CACNG4: variants seen among roughly 807,000 people sequenced by gnomAD.
CACNG4 encodes voltage-dependent calcium channel gamma-4 subunit.
In CACNG4, 8 loss-of-function variants were observed where a neutral mutation model predicts 22.9. The observed-to-expected ratio is 0.35, with a 90% CI of 0.21 to 0.63. The LOEUF (loss-of-function observed/expected upper bound fraction) is 0.63, where lower values mean the gene tolerates loss of function less well. Ranked by LOEUF, CACNG4 falls within the 30% of genes least tolerant of loss-of-function variation. The pLI is 0.72. For synonymous variants in CACNG4, 188 were observed against 191.9 expected (o/e 0.98, Z 0.17); for missense variants, 357 against 455.4 (o/e 0.78, Z 1.97).
intron 1 of CACNG4, among the ~76,000 whole-genome samples, chr17:66,982,005 T>G (rs552164826): frequency 6.6e-6 from 1 of 152,302 alleles, no homozygotes; most frequent in South Asian, 2.1e-4. Context: ...GGGATCATAG[T>G]GTGTCCAGAG....
chr17:67,025,039 G>A (rs1393419601), intron 3 of CACNG4, 39 bp downstream of exon 3: 3 of 1,535,894 alleles, frequency 2.0e-6, no homozygotes, highest in Non-Finnish European at 2.6e-6. Flanking sequence ...GCCGGGAGCT[G>A]GGGACACAGG....
rs1353361738 is a variant in CACNG4 at position 66,979,485 on chromosome 17, G to A, written c.220+14354G>A. ...GGAACCTTTGAAGATCATCTGGTAC[G>A]AAACAGATGTGACTGTACCAGTGGC... On this transcript the variant is annotated intron_variant, in intron 1 of 3. Coordinates refer to ENST00000262138, the MANE Select transcript of CACNG4 (RefSeq NM_014405.4). 2.0e-5 allele frequency among the ~76,000 whole-genome samples: 3 copies of A among 152,326 alleles called. 1 individual carries two copies. The highest frequency in any genetic ancestry group is 1.9e-4 in the East Asian group (1 of 5,188).
rs537420640 is a variant in CACNG4 at position 67,014,919 on chromosome 17, A to G, written c.221-3270A>G. On this transcript the variant is annotated intron_variant, in intron 1 of 3. Coordinates refer to ENST00000262138, the MANE Select transcript of CACNG4 (RefSeq NM_014405.4). ...ACCACTGCACTCCAGCCTGGGCGACAGAGCGAGACTCCATCTCCAAAAACA... is the reference window on the plus strand; with the variant it reads ...ACCACTGCACTCCAGCCTGGGCGACGGAGCGAGACTCCATCTCCAAAAACA... Among the ~76,000 whole-genome samples, 198 of 150,758 alleles carry G rather than the reference A, an allele frequency of 1.3e-3. 1 individual carries two copies. Among genetic ancestry groups the G allele is most frequent in the Non-Finnish European group, 1.8e-3 (125 of 67,816 alleles).
chr17:67,005,671 G>A (rs1301523094), intron 1 of CACNG4, among the ~76,000 whole-genome samples: 4 of 152,174 alleles, frequency 2.6e-5, no homozygotes, highest in Admixed American at 6.5e-5. Flanking sequence ...GTCCAGTGCC[G>A]TCTCCCTTCT....
Position 67,027,257 on chromosome 17 carries a change from A to G in CACNG4, c.445+2257A>G, listed in dbSNP as rs951595661. Among the ~76,000 whole-genome samples, 2 of 152,296 alleles carry G rather than the reference A, an allele frequency of 1.3e-5. No individual in the cohort carries two copies. Among genetic ancestry groups the G allele is most frequent in the Admixed American group, 6.5e-5 (1 of 15,296 alleles). On this transcript the variant is annotated intron_variant, in intron 3 of 3. Transcript: ENST00000262138. This position sits in a 1 kb window ranked among gnomAD's most constrained non-coding sequence, Gnocchi z 4.3. Reference sequence around the variant, plus strand: ...TGCAGCTGCCCGTGCCCCCAGGAGGAGCCGTTTCAAAGGCAGGCCCAGATG... The same window carrying G: ...TGCAGCTGCCCGTGCCCCCAGGAGGGGCCGTTTCAAAGGCAGGCCCAGATG...
chr17:66,983,373 G>T (rs918726466), intron 1 of CACNG4, among the ~76,000 whole-genome samples: 1 of 152,160 alleles, frequency 6.6e-6, no homozygotes, highest in African/African-American at 2.4e-5. Context: ...AGTGTGCTGC[G>T]AATATCCAAA....
chr17:66,997,706 A>G (rs1318216143), intron 1 of CACNG4, among the ~76,000 whole-genome samples: 1 of 152,210 alleles, frequency 6.6e-6, no homozygotes, highest in Non-Finnish European at 1.5e-5. Context: ...AATCCCAGCT[A>G]TGCAGGAAGC....
chr17:66,986,041 C>G (rs544840815), intron 1 of CACNG4, among the ~76,000 whole-genome samples: 2 of 152,336 alleles, frequency 1.3e-5, no homozygotes, highest in South Asian at 4.1e-4. Flanking sequence ...TCCATAGTTA[C>G]CCAGTGCCTA....
At chr17:66,981,095 A>G (rs1168247194) in intron 1 of CACNG4, among the ~76,000 whole-genome samples, 1 of 152,072 alleles carries the variant, frequency 6.6e-6, no homozygotes, top group East Asian at 1.9e-4. Context: ...GAGTCAGTTG[A>G]CCCTTCAAAT....
rs748292691 is a variant in CACNG4, at chr17:66,964,962, C to T, written c.51C>T (p.Ala17=). The part of the protein sequence containing the change: ...GLQMLLTTAG[A]FAAFSLMAIA... ...AGATGCTGCTGACCACGGCCGGAGCCTTCGCCGCCTTCTCGCTCATGGCCA... is the reference window on the plus strand; with the variant it reads ...AGATGCTGCTGACCACGGCCGGAGCTTTCGCCGCCTTCTCGCTCATGGCCA... Residue 17 remains alanine (A), a synonymous_variant, in exon 1 of 4, where the codon GCC becomes GCT. Transcript: ENST00000262138. 1 of 1,609,104 alleles carries T rather than the reference C, an allele frequency of 6.2e-7. No homozygotes were observed. Among genetic ancestry groups the T allele is most frequent in the South Asian group, 1.1e-5 (1 of 90,820 alleles).
intron 1 of CACNG4, among the ~76,000 whole-genome samples, chr17:66,967,538 C>G (rs937498973): frequency 2.0e-5 from 3 of 152,230 alleles, no homozygotes; most frequent in Non-Finnish European, 4.4e-5. Flanking sequence ...GAGGCCTGGA[C>G]AGCACCTTAA....
chr17:66,985,943 GA>G (rs144835669), intron 1 of CACNG4, among the ~76,000 whole-genome samples: 5,105 of 147,810 alleles, frequency 0.035, 229 homozygotes, highest in East Asian at 0.22. Context: ...TTTAAAAAAG[GA>G]AAAAAAAAAG....
intron 1 of CACNG4, among the ~76,000 whole-genome samples, chr17:66,982,403 T>G (rs34724455): frequency 2.0e-5 from 3 of 151,760 alleles, no homozygotes; most frequent in Admixed American, 1.3e-4. Flanking sequence ...TGGTGTGTTT[T>G]TACAGAGTAC....
chr17:66,996,972 G>T (rs1236733480), intron 1 of CACNG4, among the ~76,000 whole-genome samples: 1 of 152,130 alleles, frequency 6.6e-6, no homozygotes, highest in East Asian at 1.9e-4. Context: ...CTAGAAGATG[G>T]TTCGAAACAG....
In CACNG4 at chr17:66,964,864, G is replaced by GGGCGCGGCGGGCC. The variant is rs1168916459; in HGVS notation, c.-45_-33dup. ...GGCGCGCGGAGGGAGGAGGGCGGGC[G>GGGCGCGGCGGGCC]GGCGCGGCGGGCCGGGCCGGCGGGC... On this transcript the variant is annotated 5_prime_UTR_variant, in exon 1 of 4. Transcript: ENST00000262138. 7 of 1,186,256 alleles carry GGGCGCGGCGGGCC rather than the reference G, an allele frequency of 5.9e-6. No individual in the cohort carries two copies. Among genetic ancestry groups the GGGCGCGGCGGGCC allele is most frequent in the Middle Eastern group, 3.4e-4 (1 of 2,964 alleles). The allele number at this position is 1,186,256 out of a possible 1,614,324, so 73.5% of individuals were successfully genotyped here.
chr17:66,977,124 C>T (rs2035242704), intron 1 of CACNG4, among the ~76,000 whole-genome samples: 2 of 152,212 alleles, frequency 1.3e-5, no homozygotes, highest in Admixed American at 6.5e-5. Flanking sequence ...GCTCTGTCAT[C>T]TCTCGCCTGG....
At chr17:67,008,635 C>T (rs931328209) in intron 1 of CACNG4, among the ~76,000 whole-genome samples, 1 of 152,148 alleles carries the variant, frequency 6.6e-6, no homozygotes, top group Non-Finnish European at 1.5e-5. Context: ...GTCCTAACCC[C>T]AGTACTTCAG....
chr17:67,026,669 G>A (rs987066664), intron 3 of CACNG4, among the ~76,000 whole-genome samples: 2 of 150,804 alleles, frequency 1.3e-5, no homozygotes, highest in African/African-American at 2.4e-5. Flanking sequence ...GTGTATTTGA[G>A]GACTGTGGTG....
chr17:67,012,062 A>G (rs2035471562), intron 1 of CACNG4, among the ~76,000 whole-genome samples: 1 of 152,106 alleles, frequency 6.6e-6, no homozygotes, highest in Admixed American at 6.5e-5. Flanking sequence ...CACCTCCTGT[A>G]GAGCCCCAGC....
Sources: gnomAD v4.1 joint callset for allele counts (sites outside exome capture counted in the v4.1 genomes callset) on GRCh38, gnomAD v4.1.1 for gene constraint, Gnocchi (gnomAD v3.1) non-coding constraint, MANE v1.5 for transcripts, NCBI Gene and HGNC (gene_info 2026-07-23, HGNC 2026-07-21) for gene names.